PTBP3: variants seen among roughly 807,000 people sequenced by gnomAD.
PTBP3 encodes the protein polypyrimidine tract-binding protein 3.
In PTBP3, 20 loss-of-function variants were observed where a neutral mutation model predicts 58.7. That is an observed-to-expected ratio of 0.34 (90% confidence interval 0.24 to 0.50). The LOEUF is 0.50. Among genes scored for constraint, PTBP3 ranks in the 20% least tolerant of loss-of-function variants. The pLI is 0.98. For missense variants in PTBP3, 509 were observed against 637.2 expected (o/e 0.80, Z 2.17); for synonymous variants, 185 against 219.8 (o/e 0.84, Z 1.40).
intron 8 of PTBP3, among the ~76,000 whole-genome samples, chr9:112,232,453 T>C (rs1362116535): frequency 6.6e-6 from 1 of 152,182 alleles, no homozygotes; most frequent in African/African-American, 2.4e-5. Context: ...TGCTCTATTA[T>C]CCACACAGTA....
intron 1 of PTBP3, among the ~76,000 whole-genome samples, chr9:112,319,479 C>T (rs1829834330): frequency 6.6e-6 from 1 of 152,146 alleles, no homozygotes; most frequent in African/African-American, 2.4e-5. Context: ...ATCATCAAGA[C>T]ACTACAAATT....
chr9:112,353,004 G>A, the PTBP3 span, among the ~76,000 whole-genome samples: 6 of 151,702 alleles, frequency 4.0e-5, no homozygotes, highest in Admixed American at 3.3e-4. Context: ...GGGTTCAAGC[G>A]ATTCTCCTGC....
chr9:112,359,060 G>A, the PTBP3 span, among the ~76,000 whole-genome samples: 25 of 152,220 alleles, frequency 1.6e-4, no homozygotes, highest in African/African-American at 4.8e-4. Flanking sequence ...GGTCTCAAAC[G>A]CCAGGACTCA....
intron 1 of PTBP3, among the ~76,000 whole-genome samples, chr9:112,305,317 A>C (rs7851420): frequency 0.84 from 126,377 of 150,492 alleles, 53,355 homozygotes; most frequent in African/African-American, 0.92. Flanking sequence ...TCATAGGGTA[A>C]GGAATAGCCA....
chr9:112,345,177 T>C, the PTBP3 span, among the ~76,000 whole-genome samples: 1 of 151,526 alleles, frequency 6.6e-6, no homozygotes, highest in Non-Finnish European at 1.5e-5. Context: ...AATGGTAAAC[T>C]TAAATGAGCT....
the PTBP3 span, among the ~76,000 whole-genome samples, chr9:112,360,767 G>C: frequency 6.6e-6 from 1 of 151,962 alleles, no homozygotes; most frequent in Non-Finnish European, 1.5e-5. Flanking sequence ...TTATTTAGTA[G>C]GTTAGAATCA....
chr9:112,346,545 A>C, the PTBP3 span, among the ~76,000 whole-genome samples: 40 of 152,320 alleles, frequency 2.6e-4, no homozygotes, highest in South Asian at 4.1e-4. Flanking sequence ...CTTCATTCCA[A>C]ATACAGGTAC....
intron 7 of PTBP3, among the ~76,000 whole-genome samples, chr9:112,236,605 A>G: frequency 6.6e-6 from 1 of 152,318 alleles, no homozygotes; most frequent in South Asian, 2.1e-4. Flanking sequence ...TATTGTTGCC[A>G]AATATTCACT....
At chr9:112,271,507 G>A (rs1405023017) in intron 3 of PTBP3, among the ~76,000 whole-genome samples, 1 of 152,190 alleles carries the variant, frequency 6.6e-6, no homozygotes, top group Non-Finnish European at 1.5e-5. Context: ...GATCACTTGA[G>A]GTTAGGAGTT....
the PTBP3 span, among the ~76,000 whole-genome samples, chr9:112,350,592 T>C: frequency 6.6e-6 from 1 of 152,154 alleles, no homozygotes; most frequent in Non-Finnish European, 1.5e-5. Flanking sequence ...GGGAAGATGG[T>C]AGTCTAGGAA....
the PTBP3 span, among the ~76,000 whole-genome samples, chr9:112,376,382 T>C: frequency 2.0e-5 from 3 of 149,526 alleles, no homozygotes; most frequent in Non-Finnish European, 4.4e-5. Context: ...GCCTCCCGAG[T>C]AGCTGGGACT....
intron 3 of PTBP3, 116 bp from the exon 4 acceptor site, chr9:112,268,311 C>T (rs545284713): frequency 2.0e-6 from 2 of 983,356 alleles, no homozygotes; most frequent in Non-Finnish European, 2.8e-6. Context: ...AATGACATTT[C>T]CCCCAAGGGG....
chr9:112,235,460 G>C (rs191504754), intron 7 of PTBP3, among the ~76,000 whole-genome samples: 1 of 152,284 alleles, frequency 6.6e-6, no homozygotes, highest in African/African-American at 2.4e-5. Flanking sequence ...ACAGTACTTA[G>C]TGTGTACTAA....
At chr9:112,335,599 CTTTTTTTTTTTT>C (rs113253430), upstream of PTBP3, among the ~76,000 whole-genome samples, 2 of 102,710 alleles carry the variant, frequency 1.9e-5, no homozygotes, top group Admixed American at 1.1e-4. Flanking sequence ...TACCATTTTT[CTTTTTTTTTTTT>C]TTTTTTTTCA....
At chr9:112,332,750 C>A in intron 1 of PTBP3, 1 of 1,609,274 alleles carries the variant, frequency 6.2e-7, no homozygotes, top group Non-Finnish European at 8.5e-7. Context: ...TTGAAATGCC[C>A]CCGAAAATCG....
At chr9:112,267,099 C>A (rs12345784) in intron 4 of PTBP3, among the ~76,000 whole-genome samples, 1 of 151,856 alleles carries the variant, frequency 6.6e-6, no homozygotes, top group Admixed American at 6.6e-5. Context: ...TGGAGGAGTT[C>A]TTTGCCTAGA....
intron 1 of PTBP3, chr9:112,330,351 A>G (rs1250302524): frequency 1.0e-6 from 1 of 998,182 alleles, no homozygotes; most frequent in Non-Finnish European, 1.5e-6. Flanking sequence ...ACTTTTACAC[A>G]ATAAAGCAGA....
rs951329837 is a variant in PTBP3 at position 112,252,605 on chromosome 9, G to A, written c.627+73C>T. On this transcript the variant is annotated intron_variant, in intron 6 of 13. Transcript: ENST00000374257. ...GCCACAATTTTTTTAAAAACACATGGTAAAGTGGGGCACAAGAGAAGGTAT... is the reference window on the plus strand; with the variant it reads ...GCCACAATTTTTTTAAAAACACATGATAAAGTGGGGCACAAGAGAAGGTAT... The A allele has an allele frequency of 7.0e-6, 8 of 1,149,320 alleles. No homozygotes were observed. The Admixed American group carries it at 9.4e-5, about 14-fold the overall frequency. 71.2% of individuals were successfully genotyped at this position (1,149,320 alleles called of 1,614,324 possible).
chr9:112,273,562 T>A (rs969013230), intron 3 of PTBP3, among the ~76,000 whole-genome samples: 1 of 152,246 alleles, frequency 6.6e-6, no homozygotes, highest in Non-Finnish European at 1.5e-5. Flanking sequence ...ATGATTCTTG[T>A]CACAGGATTT....
Sources: allele counts gnomAD v4.1 joint callset (sites outside exome capture counted in the v4.1 genomes callset), GRCh38; gene constraint gnomAD v4.1.1; transcripts MANE v1.5; gene names NCBI Gene and HGNC (gene_info 2026-07-23, HGNC 2026-07-21).